The following DOCK8 variants were observed in gnomAD, a reference collection of about 807,000 sequenced individuals.
DOCK8 encodes dedicator of cytokinesis 8.
Under a neutral mutation model 245.6 loss-of-function variants are expected in DOCK8, and 141 were observed. The ratio of observed to expected loss-of-function variants is 0.57; its 90% CI spans 0.50 to 0.66. DOCK8 has a LOEUF of 0.66. Ranked by LOEUF, DOCK8 falls within the 30% of genes least tolerant of loss-of-function variation. DOCK8 has a pLI of 0.00. For synonymous variants in DOCK8, 1,168 were observed against 970.2 expected, an observed-to-expected ratio of 1.20 and a Z score of -3.79; for missense variants, 2,965 against 2,603.4, an observed-to-expected ratio of 1.14 and a Z score of -3.02.
chr9:430,596 C>A (rs994727820), intron 36 of DOCK8, among the ~76,000 whole-genome samples: 5 of 151,154 alleles, frequency 3.3e-5, no homozygotes, highest in African/African-American at 1.2e-4. Flanking sequence ...GCACGAGAAT[C>A]GCTTGAACCC....
intron 44 of DOCK8, among the ~76,000 whole-genome samples, chr9:446,983 C>T (rs150210983): frequency 1.8e-4 from 28 of 151,930 alleles, no homozygotes; most frequent in Admixed American, 2.6e-4. Context: ...CAAGCATAGT[C>T]GTGCTGTTAA....
At chr9:446,284 CGTGTTCCT>C in intron 43 of DOCK8, 78 bp from the exon 44 acceptor site, 1 of 1,131,066 alleles carries the variant, frequency 8.8e-7, no homozygotes. Context: ...GCCGGCACGC[CGTGTTCCT>C]GCATGCCCCT....
At chr9:277,006 T>C in intron 2 of DOCK8, 1 of 330,304 alleles carries the variant, frequency 3.0e-6, no homozygotes, top group Non-Finnish European at 6.4e-6. Context: ...ACGGAGTTTC[T>C]CCATGTTGTC....
chr9:241,158 T>TA (rs1587645552), intron 1 of DOCK8, among the ~76,000 whole-genome samples: 1 of 152,306 alleles, frequency 6.6e-6, no homozygotes, highest in East Asian at 1.9e-4. Flanking sequence ...TTTTGGTACA[T>TA]ATAATTATAG....
At chr9:317,935 A>G (rs547323750) in intron 7 of DOCK8, among the ~76,000 whole-genome samples, 1 of 151,998 alleles carries the variant, frequency 6.6e-6, no homozygotes, top group East Asian at 1.9e-4. Context: ...TCTACTTCAA[A>G]GTAGTTGCAT....
At chr9:382,380 T>G in intron 21 of DOCK8, 133 bp from the exon 22 acceptor site, 5 of 1,273,420 alleles carry the variant, frequency 3.9e-6, no homozygotes, top group Non-Finnish European at 5.7e-6. Flanking sequence ...CCAGGATTTG[T>G]TAAGAAGTCT....
chr9:298,195 C>T (rs546281361), intron 4 of DOCK8, among the ~76,000 whole-genome samples: 4 of 152,230 alleles, frequency 2.6e-5, no homozygotes, highest in Admixed American at 1.3e-4. Context: ...GAGGCAGAGG[C>T]GGGTGGATCA....
At chr9:300,640 A>G (rs2049499371) in intron 4 of DOCK8, among the ~76,000 whole-genome samples, 1 of 152,184 alleles carries the variant, frequency 6.6e-6, no homozygotes, top group South Asian at 2.1e-4. Context: ...CCAAATAAGC[A>G]CAATCAGAAA....
chr9:435,627 A>G (rs1292168828), intron 39 of DOCK8, among the ~76,000 whole-genome samples: 1 of 152,228 alleles, frequency 6.6e-6, no homozygotes, highest in Admixed American at 6.5e-5. Flanking sequence ...AAATCAAGAA[A>G]GAATCAAATT....
chr9:377,309 A>C, intron 20 of DOCK8, 98 bp downstream of exon 20: 1 of 1,237,460 alleles, frequency 8.1e-7, no homozygotes, highest in Non-Finnish European at 1.1e-6. Flanking sequence ...AGACAATGTG[A>C]TCTTCCTTTC....
chr9:214,163 G>T, upstream of DOCK8: 1 of 311,934 alleles, frequency 3.2e-6, no homozygotes, highest in Non-Finnish European at 6.0e-6. Context: ...TCAACACTGG[G>T]ACTTTTCTGT....
chr9:283,559 C>T (rs2048683386), intron 2 of DOCK8, among the ~76,000 whole-genome samples: 1 of 152,130 alleles, frequency 6.6e-6, no homozygotes, highest in Non-Finnish European at 1.5e-5. Context: ...CCCATCTTCC[C>T]ACCTCTCCAA....
At chr9:401,913 C>T (rs1183498570) in intron 26 of DOCK8, among the ~76,000 whole-genome samples, 1 of 152,198 alleles carries the variant, frequency 6.6e-6, no homozygotes, top group African/African-American at 2.4e-5. Flanking sequence ...ATCCCCATCC[C>T]ATGCACCCTG....
At chr9:433,821 T>C (rs1187571705) in intron 37 of DOCK8, 54 bp from the exon 38 acceptor site, 27 of 1,436,986 alleles carry the variant, frequency 1.9e-5, no homozygotes, top group Non-Finnish European at 2.4e-5. Flanking sequence ...TAATCCTAAC[T>C]CTTCACCTGG....
intron 1 of DOCK8, among the ~76,000 whole-genome samples, chr9:270,645 T>G (rs537746500): frequency 1.2e-4 from 18 of 152,376 alleles, no homozygotes; most frequent in African/African-American, 4.3e-4. Context: ...GCTTCATTTG[T>G]AATATTTAAG....
At chr9:255,563 G>A (rs988722328) in intron 1 of DOCK8, among the ~76,000 whole-genome samples, 3 of 149,854 alleles carry the variant, frequency 2.0e-5, no homozygotes, top group African/African-American at 7.4e-5. Context: ...AGCTACTCGA[G>A]AGGCTAAGGC....
chr9:212,345 G>A (rs1193439352), upstream of DOCK8, among the ~76,000 whole-genome samples: 1 of 152,174 alleles, frequency 6.6e-6, no homozygotes, highest in Non-Finnish European at 1.5e-5. Context: ...GAAGTCAAGG[G>A]AAGAGTTGTA....
intron 14 of DOCK8, among the ~76,000 whole-genome samples, chr9:359,628 C>G (rs1391668028): frequency 2.6e-5 from 4 of 152,080 alleles, no homozygotes; most frequent in Admixed American, 2.6e-4. Flanking sequence ...GAAGATGTTA[C>G]TGACATTAGT....
chr9:326,755 C>T (rs1237706395), intron 8 of DOCK8, among the ~76,000 whole-genome samples: 2 of 152,174 alleles, frequency 1.3e-5, no homozygotes, highest in Non-Finnish European at 2.9e-5. Flanking sequence ...CTTGTCACTG[C>T]CATTGCTGCC....
Sources: gnomAD v4.1 joint callset for allele counts (sites outside exome capture counted in the v4.1 genomes callset) on GRCh38, gnomAD v4.1.1 for gene constraint, MANE v1.5 for transcripts, NCBI Gene and HGNC (gene_info 2026-07-23, HGNC 2026-07-21) for gene names.